UNC13C: variants seen among roughly 807,000 people sequenced by gnomAD.
UNC13C encodes unc-13 homolog C, also known as protein unc-13 homolog C.
A neutral mutation model predicts 245.4 loss-of-function variants in UNC13C; 174 were observed. The ratio of observed to expected loss-of-function variants is 0.71; its 90% confidence interval spans 0.63 to 0.80. UNC13C has a LOEUF of 0.80. Ranked by LOEUF, UNC13C falls within the 30% of genes least tolerant of loss-of-function variation. The pLI is 0.00. For synonymous variants in UNC13C, 992 were observed against 895.1 expected, an observed-to-expected ratio of 1.11 and a Z score of -1.93; for missense variants, 2,829 against 2,602.9, an observed-to-expected ratio of 1.09 and a Z score of -1.89.
intron 17 of UNC13C, among the ~76,000 whole-genome samples, chr15:54,356,063 T>G (rs956662726): frequency 2.6e-5 from 4 of 152,232 alleles, no homozygotes; most frequent in Non-Finnish European, 5.9e-5. Context: ...CACTAAAATA[T>G]TCTCATTTTT....
chr15:54,450,100 C>G (rs1444333958), intron 19 of UNC13C, among the ~76,000 whole-genome samples: 1 of 152,150 alleles, frequency 6.6e-6, no homozygotes, highest in Non-Finnish European at 1.5e-5. Flanking sequence ...TATTGAACAG[C>G]GAATGTTGCT....
chr15:54,168,102 G>A (rs1055531739), intron 4 of UNC13C, among the ~76,000 whole-genome samples: 3 of 152,196 alleles, frequency 2.0e-5, no homozygotes, highest in African/African-American at 7.2e-5. Context: ...TAGAATCTAG[G>A]TGGTGAGTAT....
At chr15:54,321,819 C>A in intron 13 of UNC13C, 120 bp from the exon 14 acceptor site, 3 of 999,386 alleles carry the variant, frequency 3.0e-6, no homozygotes, top group South Asian at 1.6e-5. Context: ...AGAGATTGTG[C>A]AGTTTTCTCT....
chr15:54,023,299 C>T (rs987308396), intron 2 of UNC13C, among the ~76,000 whole-genome samples: 1 of 152,208 alleles, frequency 6.6e-6, no homozygotes, highest in Non-Finnish European at 1.5e-5. Context: ...CTTTCCCTGA[C>T]ATCCTGTTGC....
the UNC13C span, among the ~76,000 whole-genome samples, chr15:53,921,125 A>G: frequency 6.6e-5 from 10 of 152,056 alleles, no homozygotes; most frequent in African/African-American, 1.7e-4. Context: ...AAACCATGCT[A>G]TGGTAGGTGG....
At chr15:54,223,081 A>G (rs1343118858) in intron 4 of UNC13C, among the ~76,000 whole-genome samples, 1 of 152,140 alleles carries the variant, frequency 6.6e-6, no homozygotes, top group Non-Finnish European at 1.5e-5. Context: ...TTTGCTGTGC[A>G]GAAGCTTTTA....
intron 2 of UNC13C, among the ~76,000 whole-genome samples, chr15:54,130,287 ATT>A (rs71824258): frequency 1.2e-5 from 1 of 81,282 alleles, no homozygotes; most frequent in Admixed American, 1.8e-4. Flanking sequence ...TAGATAATTA[ATT>A]TTTTTTTTTT....
chr15:54,047,587 C>T (rs1897094426), intron 2 of UNC13C, among the ~76,000 whole-genome samples: 1 of 152,036 alleles, frequency 6.6e-6, no homozygotes, highest in Non-Finnish European at 1.5e-5. Context: ...GAATTTCATC[C>T]CTTTTTAAGG....
intron 27 of UNC13C, among the ~76,000 whole-genome samples, chr15:54,549,434 G>A (rs1381283258): frequency 6.6e-6 from 1 of 152,072 alleles, no homozygotes; most frequent in Non-Finnish European, 1.5e-5. Flanking sequence ...TGAAAAGTGG[G>A]ACACCTATGA....
intron 2 of UNC13C, among the ~76,000 whole-genome samples, chr15:54,130,436 G>T (rs2031342765): frequency 6.6e-6 from 1 of 151,672 alleles, no homozygotes; most frequent in Non-Finnish European, 1.5e-5. Context: ...GGGACTACAG[G>T]CGCCTGCCAA....
chr15:54,514,475 G>A (rs777230246), intron 24 of UNC13C, among the ~76,000 whole-genome samples: 5 of 152,194 alleles, frequency 3.3e-5, no homozygotes, highest in Non-Finnish European at 7.3e-5. Flanking sequence ...CATCTGTGCT[G>A]ATATATGTAC....
chr15:54,203,746 GTATATATACACATATATA>G (rs1371424142), intron 4 of UNC13C, among the ~76,000 whole-genome samples: 1 of 99,090 alleles, frequency 1.0e-5, no homozygotes, highest in Non-Finnish European at 2.5e-5. Flanking sequence ...ACATATATAT[GTATATATACACATATATA>G]TGTATATATA....
At chr15:54,303,638 T>G (rs1013499476) in intron 13 of UNC13C, among the ~76,000 whole-genome samples, 1 of 151,766 alleles carries the variant, frequency 6.6e-6, no homozygotes, top group Non-Finnish European at 1.5e-5. Context: ...TTTTTTTTTT[T>G]TTCCAGTTAA....
At chr15:54,094,872 G>A (rs1274107025) in intron 2 of UNC13C, among the ~76,000 whole-genome samples, 1 of 152,156 alleles carries the variant, frequency 6.6e-6, no homozygotes, top group Non-Finnish European at 1.5e-5. Context: ...TCTCACACCT[G>A]TTCCACTGAT....
intron 4 of UNC13C, among the ~76,000 whole-genome samples, chr15:54,155,479 T>C (rs1289337693): frequency 2.6e-5 from 4 of 152,218 alleles, no homozygotes; most frequent in African/African-American, 9.6e-5. Flanking sequence ...ACTGAGGCCA[T>C]TTTTGACAAT....
chr15:54,519,668 G>A (rs1205852706), intron 24 of UNC13C, among the ~76,000 whole-genome samples: 2 of 152,164 alleles, frequency 1.3e-5, no homozygotes, highest in Admixed American at 1.3e-4. Flanking sequence ...AGTTCTTGGA[G>A]TTTCTCCTTA....
chr15:53,947,230 GA>G, the UNC13C span, among the ~76,000 whole-genome samples: 1 of 152,244 alleles, frequency 6.6e-6, no homozygotes, highest in East Asian at 1.9e-4. Flanking sequence ...TAAGGCCTAA[GA>G]AAAAGCAGGT....
chr15:54,161,352 G>A lies in UNC13C; in HGVS notation c.3071+17668G>A, dbSNP rs182710223. Among the ~76,000 whole-genome samples the A allele has an allele frequency of 4.3e-3, 653 of 151,974 alleles. 3 individuals carry two copies. Among genetic ancestry groups the A allele is most frequent in the Non-Finnish European group, 7.9e-3 (537 of 67,944 alleles). ...GTGGAGATCTTGTGCTTTTATGTTA[G>A]TCATAAAGCCATTTCTTTCTGCCAG... On this transcript the variant is annotated intron_variant, in intron 4 of 32. Transcript: ENST00000260323.
At chr15:54,372,823 C>G (rs1477777642) in intron 17 of UNC13C, among the ~76,000 whole-genome samples, 1 of 152,184 alleles carries the variant, frequency 6.6e-6, no homozygotes, top group Admixed American at 6.5e-5. Context: ...TAGAAGCATT[C>G]TATACCTGCA....
Sources: allele counts gnomAD v4.1 joint callset (sites outside exome capture counted in the v4.1 genomes callset), GRCh38; gene constraint gnomAD v4.1.1; transcripts MANE v1.5; gene names NCBI Gene and HGNC (gene_info 2026-07-23, HGNC 2026-07-21).